PCM1: variants seen among roughly 807,000 people sequenced by gnomAD.
PCM1 encodes pericentriolar material 1.
In PCM1, 157 loss-of-function variants were observed where a neutral mutation model predicts 241.9. The observed-to-expected ratio is 0.65, with a 90% CI of 0.57 to 0.74. The LOEUF (loss-of-function observed/expected upper bound fraction) is 0.74, where lower values mean the gene tolerates loss of function less well. Among genes scored for constraint, PCM1 ranks in the 30% least tolerant of loss-of-function variants. The pLI is 0.00. For synonymous variants in PCM1, 1,085 were observed against 784.9 expected, an observed-to-expected ratio of 1.38 and a Z score of -6.39; for missense variants, 3,478 against 2,360.1, an observed-to-expected ratio of 1.47 and a Z score of -9.81.
intron 27 of PCM1, among the ~76,000 whole-genome samples, chr8:17,991,063 A>C (rs1390316811): frequency 6.8e-6 from 1 of 147,230 alleles, no homozygotes; most frequent in Non-Finnish European, 1.5e-5. Flanking sequence ...TTTTTTTCTT[A>C]CAAACCTGCA....
At chr8:18,017,107 GC>G (rs1238722711) in intron 36 of PCM1, among the ~76,000 whole-genome samples, 1 of 152,146 alleles carries the variant, frequency 6.6e-6, no homozygotes, top group Admixed American at 6.5e-5. Context: ...CCCTTTAAGA[GC>G]TACTTCTGTG....
At chr8:18,013,892 A>T in intron 34 of PCM1, 72 bp from the exon 35 acceptor site, 1 of 846,898 alleles carries the variant, frequency 1.2e-6, no homozygotes, top group Non-Finnish European at 1.8e-6. Flanking sequence ...CAAAAACTAC[A>T]CACTAGTAAT....
At chr8:17,980,117 A>T (rs2080191306) in intron 23 of PCM1, 1 of 152,182 alleles carries the variant, frequency 6.6e-6, no homozygotes, top group Admixed American at 6.5e-5. Flanking sequence ...AAACTTGAAA[A>T]TTTTATAGAA....
intron 1 of PCM1, among the ~76,000 whole-genome samples, 151 bp downstream of exon 1, chr8:17,923,339 C>A (rs1035996719): frequency 3.9e-5 from 6 of 152,204 alleles, no homozygotes; most frequent in African/African-American, 1.4e-4. Context: ...CCCCGGGCTT[C>A]CCGTGCCCTA....
At chr8:18,007,691 C>T (rs557610689) in intron 30 of PCM1, among the ~76,000 whole-genome samples, 10 of 152,190 alleles carry the variant, frequency 6.6e-5, no homozygotes, top group South Asian at 4.1e-4. Flanking sequence ...TTAAATATTG[C>T]CCAGAGTATT....
intron 2 of PCM1, chr8:17,926,613 G>A (rs1168132500): frequency 6.6e-6 from 1 of 152,178 alleles, no homozygotes; most frequent in African/African-American, 2.4e-5. Context: ...AACAGACAGT[G>A]GAGTTTAGCC....
chr8:17,996,386 C>T (rs1320953005), intron 29 of PCM1, among the ~76,000 whole-genome samples: 2 of 152,148 alleles, frequency 1.3e-5, no homozygotes, highest in Non-Finnish European at 2.9e-5. Context: ...GGATAAATCC[C>T]ACTTGGTCAC....
rs572591140 is a variant in PCM1, at chr8:18,004,749, A to C, written c.4828-1514A>C. Among the ~76,000 whole-genome samples the C allele has an allele frequency of 2.0e-5, 3 of 152,304 alleles. No homozygotes were observed. The South Asian group carries it at 6.2e-4, about 32-fold the overall frequency. The stretch of plus-strand genomic sequence containing the variant: ...GTCATCACTAGTGAGTCAAAAATGT[A>C]TTCTCCTCCTTAGAGTCATCAATTT... On this transcript the variant is annotated intron_variant, in intron 29 of 38. Coordinates refer to ENST00000325083, the MANE Select transcript of PCM1 (RefSeq NM_006197.4).
intron 29 of PCM1, among the ~76,000 whole-genome samples, chr8:18,003,670 A>G (rs1157134419): frequency 6.6e-6 from 1 of 152,172 alleles, no homozygotes; most frequent in Non-Finnish European, 1.5e-5. Flanking sequence ...AGCACTTAAG[A>G]TACTGGATAA....
chr8:17,969,423 A>G, intron 21 of PCM1, 154 bp from the exon 22 acceptor site: 1 of 603,702 alleles, frequency 1.7e-6, no homozygotes, highest in East Asian at 3.0e-5. Context: ...AGCTGTGAAC[A>G]GTGATTGGAT....
chr8:17,998,075 A>G (rs907507995), intron 29 of PCM1, among the ~76,000 whole-genome samples: 3 of 150,874 alleles, frequency 2.0e-5, no homozygotes, highest in Non-Finnish European at 2.9e-5. Context: ...TTCCTGTGTT[A>G]TCTTGAATTT....
chr8:17,994,990 G>A (rs1056311820), intron 29 of PCM1, among the ~76,000 whole-genome samples: 2 of 151,348 alleles, frequency 1.3e-5, no homozygotes, highest in Non-Finnish European at 2.9e-5. Context: ...TCTTCACTTT[G>A]TTGTTTGTTT....
chr8:17,938,905 C>T lies in PCM1; in HGVS notation c.508C>T (p.Gln170Ter), dbSNP rs779602400. 1 of 1,613,570 alleles carries T rather than the reference C, an allele frequency of 6.2e-7. No individual in the cohort carries two copies. Among genetic ancestry groups the T allele is most frequent in the Non-Finnish European group, 8.5e-7 (1 of 1,179,594 alleles). Residue 170 changes from glutamine to a stop codon, truncating the protein, a stop_gained, in exon 5 of 39, where the codon CAG becomes TAG. Transcript: ENST00000325083. LOFTEE classifies it high-confidence loss of function. ...PPNRETIGSA[Q>*]CKELFASALS... ...AAACAGAGAAACGATTGGATCAGCACAGTGTAAAGAGTTGTTTGCTTCTGC... is the reference window on the plus strand; with the variant it reads ...AAACAGAGAAACGATTGGATCAGCATAGTGTAAAGAGTTGTTTGCTTCTGC...
rs368521208 is a variant in PCM1, at chr8:18,009,587, G to C, written c.5003G>C (p.Cys1668Ser). 1.2e-6 allele frequency: 2 copies of C among 1,602,908 alleles called. No individual in the cohort carries two copies. Among genetic ancestry groups the C allele is most frequent in the Non-Finnish European group, 1.7e-6 (2 of 1,174,266 alleles). Reference sequence around the variant, plus strand: ...TTTGCTGGCAGAAAACTGAAAGACTGTGGAGAAGATCTTCTTGTAGAGATA... The same window carrying C: ...TTTGCTGGCAGAAAACTGAAAGACTCTGGAGAAGATCTTCTTGTAGAGATA... ...AKFAGRKLKD[C>S]GEDLLVEISE... is the part of the protein sequence containing the mutation. Residue 1668 changes from cysteine (C) to serine (S), a missense_variant, in exon 31 of 39, where the codon TGT becomes TCT. Transcript: ENST00000325083.
intron 29 of PCM1, 61 bp from the exon 30 acceptor site, chr8:18,006,198 GGATT>G (rs1366705199): frequency 4.7e-6 from 6 of 1,282,302 alleles, no homozygotes; most frequent in African/African-American, 1.5e-5. Context: ...TGTATTATAT[GGATT>G]GATTTTCTTT....
intron 9 of PCM1, among the ~76,000 whole-genome samples, chr8:17,954,906 C>T (rs1378630513): frequency 6.6e-6 from 1 of 152,088 alleles, no homozygotes. Context: ...TGAGGTACCA[C>T]AGTCACTTTT....
Position 17,938,864 on chromosome 8 carries a change from C to T in PCM1, c.467C>T (p.Ala156Val), listed in dbSNP as rs373403157. Residue 156 changes from alanine (A) to valine (V), a missense_variant, in exon 5 of 39, where the codon GCA (alanine) becomes GTA (valine). By Grantham distance (64) the Ala-to-Val change is moderately conservative. Transcript: ENST00000325083. ...MQINTNKSKD[A>V]STNPPNRETI... ...ATTAATACTAACAAGAGCAAAGATG[C>T]ATCTACAAACCCCCCAAACAGAGAA... is the stretch of plus-strand genomic sequence containing the variant. 2,584 of 1,613,646 alleles carry T rather than the reference C, an allele frequency of 1.6e-3. 53 individuals are homozygous for T. In the South Asian group the frequency reaches 0.027, roughly 17 times the overall value.
At chr8:17,984,756 A>G (rs895853093) in intron 24 of PCM1, among the ~76,000 whole-genome samples, 8 of 151,980 alleles carry the variant, frequency 5.3e-5, no homozygotes, top group Admixed American at 1.3e-4. Flanking sequence ...TCAACAAGTA[A>G]ATTTAGCCGA....
chr8:17,973,306 G>A (rs1463698654), intron 23 of PCM1, among the ~76,000 whole-genome samples: 1 of 152,128 alleles, frequency 6.6e-6, no homozygotes, highest in Non-Finnish European at 1.5e-5. Flanking sequence ...TGTAGTACTA[G>A]GTTAAAAATA....
Sources: allele counts gnomAD v4.1 joint callset (sites outside exome capture counted in the v4.1 genomes callset), GRCh38; gene constraint gnomAD v4.1.1; transcripts MANE v1.5; gene names NCBI Gene and HGNC (gene_info 2026-07-23, HGNC 2026-07-21).